The following GALNT13 variants were observed in gnomAD, a reference collection of about 807,000 sequenced individuals.
GALNT13 encodes the protein polypeptide N-acetylgalactosaminyltransferase 13, also known as UDP-GalNAc:polypeptide N-acetylgalactosaminyltransferase 13.
In GALNT13, 28 loss-of-function variants were observed where a neutral mutation model predicts 64.2. The observed-to-expected ratio is 0.44, with a 90% confidence interval of 0.32 to 0.60. The LOEUF is 0.60. Among genes scored for constraint, GALNT13 ranks in the 20% least tolerant of loss-of-function variants. The pLI is 0.05. For missense variants in GALNT13, 577 were observed against 669.8 expected, an observed-to-expected ratio of 0.86 and a Z score of 1.53; for synonymous variants, 214 against 224.6, an observed-to-expected ratio of 0.95 and a Z score of 0.42.
the GALNT13 span, among the ~76,000 whole-genome samples, chr2:153,269,763 G>T: frequency 6.6e-6 from 1 of 152,180 alleles, no homozygotes; most frequent in Admixed American, 6.5e-5. Flanking sequence ...GGGGCCTGAG[G>T]AAACTTAAAA....
the GALNT13 span, among the ~76,000 whole-genome samples, chr2:153,689,070 A>ATGTGTGTG: frequency 0.21 from 26,505 of 127,686 alleles, 3,143 homozygotes; most frequent in Middle Eastern, 0.38. Flanking sequence ...CCGCGTGTGT[A>ATGTGTGTG]TGTGTGTGTG....
At chr2:153,870,126 A>C (rs1183549019), upstream of GALNT13, among the ~76,000 whole-genome samples, 3 of 151,840 alleles carry the variant, frequency 2.0e-5, no homozygotes, top group Admixed American at 2.0e-4. Context: ...CAACCCACAG[A>C]GCTTTGAGAA....
chr2:153,381,168 A>G, the GALNT13 span, among the ~76,000 whole-genome samples: 1 of 152,092 alleles, frequency 6.6e-6, no homozygotes, highest in Admixed American at 6.5e-5. Context: ...GCTGGTGTCA[A>G]ACTCCTGGGC....
At chr2:153,350,857 T>C in the GALNT13 span, among the ~76,000 whole-genome samples, 1 of 152,182 alleles carries the variant, frequency 6.6e-6, no homozygotes, top group Admixed American at 6.5e-5. Context: ...TATAGCTCAC[T>C]TTTTAAGTTC....
chr2:154,251,334 G>C (rs1046668945), intron 7 of GALNT13, among the ~76,000 whole-genome samples: 2 of 151,926 alleles, frequency 1.3e-5, no homozygotes, highest in Non-Finnish European at 2.9e-5. Context: ...GAAGCTTAGG[G>C]TTTTATCAGG....
At chr2:153,737,884 C>A in the GALNT13 span, among the ~76,000 whole-genome samples, 1 of 151,816 alleles carries the variant, frequency 6.6e-6, no homozygotes, top group Non-Finnish European at 1.5e-5. Context: ...TACTTAAGTT[C>A]TATTATAGAA....
chr2:153,154,458 T>C, the GALNT13 span, among the ~76,000 whole-genome samples: 5 of 152,178 alleles, frequency 3.3e-5, no homozygotes, highest in Non-Finnish European at 7.4e-5. Flanking sequence ...AATGTACGAA[T>C]ACACCTCCCT....
the GALNT13 span, among the ~76,000 whole-genome samples, chr2:153,320,671 A>C: frequency 9.9e-5 from 15 of 152,224 alleles, no homozygotes; most frequent in Admixed American, 2.0e-4. Context: ...ATTTAAGGAT[A>C]CTGGAAATTC....
At chr2:154,297,342 G>A (rs889164501) in intron 8 of GALNT13, among the ~76,000 whole-genome samples, 1 of 152,166 alleles carries the variant, frequency 6.6e-6, no homozygotes, top group Non-Finnish European at 1.5e-5. Context: ...CGGAAACAGA[G>A]AGAGGGCTCC....
At chr2:154,389,139 G>A (rs370999205) in intron 9 of GALNT13, among the ~76,000 whole-genome samples, 1 of 151,728 alleles carries the variant, frequency 6.6e-6, no homozygotes, top group Non-Finnish European at 1.5e-5. Flanking sequence ...TTTGTTTTTG[G>A]GGGGGTGGTT....
At chr2:154,123,319 A>C (rs1682064852) in intron 3 of GALNT13, among the ~76,000 whole-genome samples, 1 of 151,920 alleles carries the variant, frequency 6.6e-6, no homozygotes, top group South Asian at 2.1e-4. Flanking sequence ...TATTTCTATA[A>C]AGTTATATCT....
chr2:153,653,034 A>G, the GALNT13 span, among the ~76,000 whole-genome samples: 1 of 152,200 alleles, frequency 6.6e-6, no homozygotes, highest in Non-Finnish European at 1.5e-5. Context: ...GGATTTGTAT[A>G]TCGGAAATAC....
At chr2:154,388,321 T>C (rs1698612466) in intron 9 of GALNT13, among the ~76,000 whole-genome samples, 1 of 152,162 alleles carries the variant, frequency 6.6e-6, no homozygotes, top group Non-Finnish European at 1.5e-5. Context: ...CCTTATCAGA[T>C]CCATGGCTTA....
the GALNT13 span, among the ~76,000 whole-genome samples, chr2:153,082,302 A>G: frequency 6.6e-6 from 1 of 151,018 alleles, no homozygotes; most frequent in East Asian, 2.0e-4. Flanking sequence ...TTTATCCCTC[A>G]CCTCCCTCTC....
At chr2:153,480,228 G>A in the GALNT13 span, among the ~76,000 whole-genome samples, 4 of 152,156 alleles carry the variant, frequency 2.6e-5, 1 homozygote, top group South Asian at 8.3e-4. Flanking sequence ...CATTCTGTTT[G>A]CTTGGTAAAT....
the GALNT13 span, among the ~76,000 whole-genome samples, chr2:153,419,135 G>A: frequency 1.3e-5 from 2 of 152,288 alleles, no homozygotes; most frequent in East Asian, 3.9e-4. Flanking sequence ...GTTCCTCAGG[G>A]CTGGGGAGGC....
chr2:153,160,671 G>A, the GALNT13 span, among the ~76,000 whole-genome samples: 1 of 152,282 alleles, frequency 6.6e-6, no homozygotes, highest in East Asian at 1.9e-4. Context: ...CATTTCAAAG[G>A]TAGACATCCA....
chr2:153,182,874 TAC>T, the GALNT13 span, among the ~76,000 whole-genome samples: 3 of 152,258 alleles, frequency 2.0e-5, no homozygotes, highest in African/African-American at 7.2e-5. Context: ...GATGAGCATT[TAC>T]ATTGATTCCA....
the GALNT13 span, among the ~76,000 whole-genome samples, chr2:153,357,777 C>T: frequency 7.2e-5 from 11 of 152,178 alleles, no homozygotes; most frequent in Admixed American, 2.0e-4. Context: ...TATTTGTAAG[C>T]GTATTCATTA....
Sources: gnomAD v4.1 joint callset for allele counts (sites outside exome capture counted in the v4.1 genomes callset) on GRCh38, gnomAD v4.1.1 for gene constraint, MANE v1.5 for transcripts, NCBI Gene and HGNC (gene_info 2026-07-23, HGNC 2026-07-21) for gene names.